RARB: variants seen among roughly 807,000 people sequenced by gnomAD.
RARB encodes retinoic acid receptor beta, also known as HBV-activated protein.
Under a neutral mutation model 51.9 loss-of-function variants are expected in RARB, and 17 were observed. That is an observed-to-expected ratio of 0.33 (90% CI 0.22 to 0.49). RARB has a LOEUF of 0.49. Among genes scored for constraint, RARB ranks in the 20% least tolerant of loss-of-function variants. The pLI is 0.99. For synonymous variants in RARB, 215 were observed against 195.4 expected (o/e 1.10, Z -0.84); for missense variants, 369 against 550.8 (o/e 0.67, Z 3.30).
intron 1 of RARB, 40 bp from the exon 2 acceptor site, chr3:25,461,153 A>T: frequency 1.3e-6 from 2 of 1,506,824 alleles, no homozygotes; most frequent in Non-Finnish European, 1.8e-6. Flanking sequence ...ACTAAAATAC[A>T]TTTTCTCTTT....
At chr3:25,459,248 C>T (rs1413707342) in intron 1 of RARB, among the ~76,000 whole-genome samples, 2 of 152,136 alleles carry the variant, frequency 1.3e-5, no homozygotes, top group African/African-American at 4.8e-5. Flanking sequence ...CGAAAAACAA[C>T]CAGATATTTG....
chr3:24,910,925 G>T (rs1004147999), intron 2 of RARB, among the ~76,000 whole-genome samples: 1 of 152,170 alleles, frequency 6.6e-6, no homozygotes, highest in Non-Finnish European at 1.5e-5. Context: ...TAGATTTTAT[G>T]CACAGCTAGC....
chr3:25,147,702 AG>A (rs1177220662), intron 4 of RARB, among the ~76,000 whole-genome samples: 3 of 152,196 alleles, frequency 2.0e-5, no homozygotes, highest in African/African-American at 7.2e-5. Context: ...AGGAATACCT[AG>A]GCATCCTCCC....
chr3:25,156,874 T>C (rs1376055517), intron 4 of RARB, among the ~76,000 whole-genome samples: 1 of 152,194 alleles, frequency 6.6e-6, no homozygotes, highest in Admixed American at 6.5e-5. Flanking sequence ...GACACAATAG[T>C]TAGGAATGTG....
intron 2 of RARB, among the ~76,000 whole-genome samples, chr3:24,991,032 T>G (rs1696898354): frequency 6.6e-6 from 1 of 152,250 alleles, no homozygotes; most frequent in Non-Finnish European, 1.5e-5. Context: ...TTCTACTACA[T>G]AGGTATGTTA....
rs372462412 is a variant in RARB, at chr3:24,867,846, T to C, written c.-380+9094T>C. ...AGCCCACAAAAACAACAAAAGGAAA[T>C]GGTAGACACTTGGGAAATTTTCATT... On this transcript the variant is annotated intron_variant, in intron 2 of 11. Transcript: ENST00000383772. Among the ~76,000 whole-genome samples the C allele has an allele frequency of 9.2e-5, 14 of 152,230 alleles. No homozygotes were observed. The East Asian group carries it at 1.4e-3, about 15-fold the overall frequency.
chr3:25,090,132 A>G (rs995349200), intron 3 of RARB, among the ~76,000 whole-genome samples: 14 of 152,146 alleles, frequency 9.2e-5, no homozygotes, highest in African/African-American at 3.4e-4. Flanking sequence ...TTAAAAATCC[A>G]TTTCCTTGAA....
chr3:25,243,521 G>A (rs763233511), intron 5 of RARB, among the ~76,000 whole-genome samples: 15 of 152,048 alleles, frequency 9.9e-5, no homozygotes, highest in Non-Finnish European at 1.9e-4. Context: ...AGCCTGAAGG[G>A]GTGTTGAATT....
intron 5 of RARB, among the ~76,000 whole-genome samples, chr3:25,261,963 A>G (rs532952273): frequency 1.5e-4 from 23 of 152,044 alleles, no homozygotes; most frequent in African/African-American, 5.5e-4. Flanking sequence ...CTCCAAACCC[A>G]TCCTATATCC....
intron 3 of RARB, among the ~76,000 whole-genome samples, chr3:25,558,167 T>G (rs1430072010): frequency 6.6e-6 from 1 of 152,164 alleles, no homozygotes; most frequent in Non-Finnish European, 1.5e-5. Flanking sequence ...AAAAAACATG[T>G]TTTCAAGCGC....
Position 25,432,880 on chromosome 3 carries a change from A to C in RARB, c.157+3992A>C, listed in dbSNP as rs890098642. 3.7e-4 allele frequency among the ~76,000 whole-genome samples: 57 copies of C among 152,208 alleles called. 1 individual carries two copies. The highest frequency in any genetic ancestry group is 1.2e-3 in the African/African-American group (49 of 41,458). ...GCAGAAGATGGAGATGTAAAAACCA[A>C]GATGCAAAATACAAAACTCTGTTCA... is the stretch of plus-strand genomic sequence containing the variant. On this transcript the variant is annotated intron_variant, in intron 1 of 7. Transcript: ENST00000330688.
At chr3:25,406,763 C>T (rs1450471842) in intron 5 of RARB, among the ~76,000 whole-genome samples, 2 of 152,210 alleles carry the variant, frequency 1.3e-5, no homozygotes, top group African/African-American at 4.8e-5. Context: ...AAAGCCAGAT[C>T]AGGCACAGTA....
chr3:25,181,291 A>G (rs1275220893), intron 5 of RARB, among the ~76,000 whole-genome samples: 3 of 152,284 alleles, frequency 2.0e-5, no homozygotes, highest in South Asian at 2.1e-4. Flanking sequence ...CCCACTGTGC[A>G]TCGTAAGTAC....
At chr3:24,916,248 C>G (rs866545466) in intron 2 of RARB, among the ~76,000 whole-genome samples, 2 of 152,178 alleles carry the variant, frequency 1.3e-5, no homozygotes, top group Middle Eastern at 3.4e-3. Context: ...CCATTCTAGT[C>G]ATAGGTACAA....
At chr3:25,180,204 A>G (rs1700834267) in intron 5 of RARB, among the ~76,000 whole-genome samples, 1 of 152,198 alleles carries the variant, frequency 6.6e-6, no homozygotes, top group Non-Finnish European at 1.5e-5. Flanking sequence ...CCTAGGAAGG[A>G]CATGACTGAA....
At chr3:25,223,433 G>A (rs1353802010) in intron 5 of RARB, among the ~76,000 whole-genome samples, 1 of 152,154 alleles carries the variant, frequency 6.6e-6, no homozygotes, top group Non-Finnish European at 1.5e-5. Context: ...CAAGCATAAA[G>A]GTGGCAATTT....
intron 5 of RARB, among the ~76,000 whole-genome samples, chr3:25,189,560 A>G (rs1701049596): frequency 6.6e-6 from 1 of 152,072 alleles, no homozygotes; most frequent in South Asian, 2.1e-4. Context: ...GTACAGCAGC[A>G]TGTTCAAAAG....
At chr3:25,538,482 CA>C (rs1271864887) in intron 3 of RARB, among the ~76,000 whole-genome samples, 2 of 152,060 alleles carry the variant, frequency 1.3e-5, no homozygotes, top group East Asian at 3.9e-4. Context: ...TATTCTTCAA[CA>C]GTTTAGAGTA....
chr3:25,447,002 CAG>C (rs1708975855), intron 1 of RARB, among the ~76,000 whole-genome samples: 1 of 135,064 alleles, frequency 7.4e-6, no homozygotes. Context: ...AGGTGAATAA[CAG>C]AGATTTAAAA....
Sources: gnomAD v4.1 joint callset for allele counts (sites outside exome capture counted in the v4.1 genomes callset) on GRCh38, gnomAD v4.1.1 for gene constraint, MANE v1.5 for transcripts, NCBI Gene and HGNC (gene_info 2026-07-23, HGNC 2026-07-21) for gene names.